The following ZNF451 variants were observed in gnomAD, a reference collection of about 807,000 sequenced individuals.
ZNF451 encodes the protein E3 SUMO-protein ligase ZNF451.
Under a neutral mutation model 107.1 loss-of-function variants are expected in ZNF451, and 80 were observed. The ratio of observed to expected loss-of-function variants is 0.75; its 90% CI spans 0.62 to 0.90. ZNF451 has a LOEUF of 0.90. Among genes scored for constraint, ZNF451 ranks in the 40% least tolerant of loss-of-function variants. The pLI, the probability that ZNF451 is intolerant of heterozygous loss-of-function variation, is 0.00. For synonymous variants in ZNF451, 362 were observed against 406.5 expected (o/e 0.89, Z 1.32); for missense variants, 1,107 against 1,236.2 (o/e 0.90, Z 1.57).
At chr6:57,109,133 CCT>C in intron 3 of ZNF451, 2 of 985,444 alleles carry the variant, frequency 2.0e-6, no homozygotes, top group Non-Finnish European at 2.4e-6. Context: ...GGAACCCTAT[CCT>C]CTTAGTTCTC....
At position 57,147,882 on chromosome 6, in the gene ZNF451, T is replaced by C. The variant is rs1832151536; in HGVS notation, c.1797T>C (p.Asn599=). 6.2e-7 allele frequency: 1 copy of C among 1,613,996 alleles called. No individual in the cohort carries two copies. Among genetic ancestry groups the C allele is most frequent in the South Asian group, 1.1e-5 (1 of 91,086 alleles). Residue 599 remains asparagine (N), a synonymous_variant, in exon 10 of 15, where the codon AAT becomes AAC. Transcript: ENST00000370706. ...AITVIDHSPA[N]SSPRGKWQCR... is the part of the protein sequence containing the mutation. ...CTGTTATTGATCATTCCCCGGCAAA[T>C]AGTTCTCCGAGGGGTAAATGGCAAT...
At position 57,141,284 on chromosome 6, in the gene ZNF451, C is replaced by T. The variant is rs1271561853; in HGVS notation, c.703-18C>T. The T allele has an allele frequency of 1.3e-6, 2 of 1,577,076 alleles. No homozygotes were observed. The highest frequency in any genetic ancestry group is 1.7e-6 in the Non-Finnish European group (2 of 1,159,250). ...TTTATTTTAGTTTTCCATAATACAG[C>T]TTTGTCTTATATTTTAGGAAGCCAC... On this transcript the variant is annotated intron_variant, in intron 7 of 14. Coordinates refer to ENST00000370706, the MANE Select transcript of ZNF451 (RefSeq NM_001031623.3).
At chr6:57,163,054 A>G (rs1763739562) in intron 14 of ZNF451, among the ~76,000 whole-genome samples, 1 of 152,196 alleles carries the variant, frequency 6.6e-6, no homozygotes, top group Non-Finnish European at 1.5e-5. Flanking sequence ...TGAGAAGCAT[A>G]TGGTGGTTCA....
At chr6:57,125,565 C>G (rs1830892054) in intron 4 of ZNF451, among the ~76,000 whole-genome samples, 1 of 152,122 alleles carries the variant, frequency 6.6e-6, no homozygotes, top group South Asian at 2.1e-4. Context: ...GTTTTATAGA[C>G]TTTGGGTTTC....
At chr6:57,104,918 A>T in intron 3 of ZNF451, 1 of 985,406 alleles carries the variant, frequency 1.0e-6, no homozygotes, top group Non-Finnish European at 1.2e-6. Context: ...TTTAATAGGG[A>T]TGGGGACAGA....
Position 57,150,843 on chromosome 6 carries a change from A to G in ZNF451, c.2733A>G (p.Thr911=), listed in dbSNP as rs1475767878. ...GHLPGHLNQG[T]FIWGFQGGNT... is the part of the protein sequence containing the mutation. ...TACCAGGGCATCTAAACCAAGGAACATTTATTTGGGGCTTTCAAGGTACGG... is the reference window on the plus strand; with the variant it reads ...TACCAGGGCATCTAAACCAAGGAACGTTTATTTGGGGCTTTCAAGGTACGG... Residue 911 remains threonine, a synonymous_variant, in exon 11 of 15, where the codon ACA becomes ACG. Transcript: ENST00000370706. 3 of 1,614,070 alleles carry G rather than the reference A, an allele frequency of 1.9e-6. No individual in the cohort carries two copies. The East Asian group carries it at 6.7e-5, about 36-fold the overall frequency.
chr6:57,099,335 A>G, intron 3 of ZNF451, 194 bp downstream of exon 3: 1 of 644,654 alleles, frequency 1.6e-6, no homozygotes, highest in Non-Finnish European at 2.8e-6. Flanking sequence ...TTTGAATGAG[A>G]TTATGAAAAA....
intron 3 of ZNF451, chr6:57,108,714 T>G: frequency 1.0e-6 from 1 of 985,408 alleles, no homozygotes; most frequent in South Asian, 4.7e-5. Context: ...CATGTTAATA[T>G]CCGTGTGTTT....
chr6:57,130,356 C>T (rs542076514), intron 5 of ZNF451, among the ~76,000 whole-genome samples: 8 of 151,902 alleles, frequency 5.3e-5, no homozygotes, highest in African/African-American at 1.9e-4. Flanking sequence ...TTTAAAAATC[C>T]CTCTTCATGT....
chr6:57,153,215 A>G (rs796744622), intron 12 of ZNF451, among the ~76,000 whole-genome samples: 9 of 152,270 alleles, frequency 5.9e-5, no homozygotes, highest in African/African-American at 2.2e-4. Context: ...TCTCTATGGC[A>G]GATTTATTTC....
chr6:57,165,646 G>A (rs1763863815), intron 14 of ZNF451: 1 of 151,992 alleles, frequency 6.6e-6, no homozygotes, highest in Admixed American at 6.6e-5. Flanking sequence ...CTCATTATTG[G>A]TACTCTTAAT....
chr6:57,170,304 A>G lies in ZNF451; in HGVS notation c.*1835A>G, dbSNP rs1411363775. 6.6e-6 allele frequency: 1 copy of G among 152,262 alleles called. No individual in the cohort carries two copies. The highest frequency in any genetic ancestry group is 1.5e-5 in the Non-Finnish European group (1 of 68,046). The allele number at this position is 152,262 out of a possible 1,614,324, so 9.4% of individuals were successfully genotyped here. A position where few individuals can be genotyped will look rare whatever the true frequency, so the allele number is the denominator to read the frequency against. On this transcript the variant is annotated 3_prime_UTR_variant, in exon 15 of 15. Transcript: ENST00000370706. The stretch of plus-strand genomic sequence containing the variant: ...GAAGTAAATGTTTCTAACATTGACA[A>G]AGATGCTTATCTTTTCATTACATCA...
chr6:57,110,697 A>G (rs1489454640), intron 3 of ZNF451, among the ~76,000 whole-genome samples: 1 of 152,174 alleles, frequency 6.6e-6, no homozygotes, highest in Non-Finnish European at 1.5e-5. Context: ...AAAGTTACTT[A>G]TAAAAATATT....
chr6:57,106,305 A>T (rs1829851121), intron 3 of ZNF451: 8 of 967,896 alleles, frequency 8.3e-6, no homozygotes, highest in Non-Finnish European at 9.8e-6. Context: ...CAATAAGTGA[A>T]ATCTTTTTTT....
intron 3 of ZNF451, among the ~76,000 whole-genome samples, chr6:57,113,815 GT>G (rs1203918626): frequency 2.0e-5 from 3 of 151,944 alleles, no homozygotes; most frequent in Non-Finnish European, 4.4e-5. Flanking sequence ...TAGAGATGGG[GT>G]TTCACCATGT....
intron 3 of ZNF451, chr6:57,106,205 A>G (rs551921104): frequency 1.0e-6 from 1 of 985,282 alleles, no homozygotes; most frequent in East Asian, 1.1e-4. Context: ...CATGACATTC[A>G]TTATTCTTGA....
chr6:57,139,074 T>C (rs780516807), intron 7 of ZNF451, among the ~76,000 whole-genome samples: 1 of 152,028 alleles, frequency 6.6e-6, no homozygotes, highest in Admixed American at 6.6e-5. Flanking sequence ...AGGAGAAATA[T>C]GTATAAATTG....
chr6:57,104,484 C>CT, intron 3 of ZNF451: 3 of 985,214 alleles, frequency 3.0e-6, no homozygotes, highest in Non-Finnish European at 3.6e-6. Context: ...TTGAAATACT[C>CT]TTATTTCAAA....
intron 9 of ZNF451, 90 bp from the exon 10 acceptor site, chr6:57,147,000 G>C (rs1832097331): frequency 1.6e-6 from 2 of 1,220,870 alleles, no homozygotes; most frequent in Non-Finnish European, 2.2e-6. Context: ...TTATACGTTG[G>C]TTATTTTATA....
Sources: gnomAD v4.1 joint callset for allele counts (sites outside exome capture counted in the v4.1 genomes callset) on GRCh38, gnomAD v4.1.1 for gene constraint, MANE v1.5 for transcripts, NCBI Gene and HGNC (gene_info 2026-07-23, HGNC 2026-07-21) for gene names.